The following CLEC9A variants were observed in gnomAD, a reference collection of about 807,000 sequenced individuals.
CLEC9A encodes the protein C-type lectin domain family 9 member A.
Under a neutral mutation model 30.0 loss-of-function variants are expected in CLEC9A, and 24 were observed. That is an observed-to-expected ratio of 0.80 (90% CI 0.58 to 1.13). The LOEUF is 1.13. Among genes scored for constraint, CLEC9A ranks in the 50% most tolerant of loss-of-function variants. CLEC9A has a pLI of 0.00. For synonymous variants in CLEC9A, 111 were observed against 96.8 expected, an observed-to-expected ratio of 1.15 and a Z score of -0.86; for missense variants, 251 against 280.9, an observed-to-expected ratio of 0.89 and a Z score of 0.76.
chr12:10,041,551 G>A lies in CLEC9A; in HGVS notation c.-232G>A. The A allele has an allele frequency of 2.0e-6, 1 of 504,566 alleles. No individual in the cohort carries two copies. The highest frequency in any genetic ancestry group is 4.0e-6 in the Non-Finnish European group (1 of 251,378). 31.3% of individuals were successfully genotyped at this position (504,566 alleles called of 1,614,324 possible). On this transcript the variant is annotated 5_prime_UTR_variant, in exon 2 of 9. The change creates a premature stop within an existing upstream ORF in the 5' untranslated region. Transcript: ENST00000355819. ...GGTTCTTCAAACACAACTTGACATG[G>A]AAAGAGAGTGAGCAGTACTGCACTG...
chr12:10,036,176 G>T (rs1865742896), intron 1 of CLEC9A, among the ~76,000 whole-genome samples: 1 of 152,064 alleles, frequency 6.6e-6, no homozygotes, highest in Non-Finnish European at 1.5e-5. Flanking sequence ...ACTACTGTTT[G>T]TCACAAATGT....
intron 1 of CLEC9A, among the ~76,000 whole-genome samples, chr12:10,037,010 T>C (rs1865749679): frequency 6.6e-6 from 1 of 152,208 alleles, no homozygotes; most frequent in African/African-American, 2.4e-5. Flanking sequence ...ACCAGCATAT[T>C]TCTGGTCACA....
At chr12:10,053,077 C>T (rs1003240163) in intron 4 of CLEC9A, among the ~76,000 whole-genome samples, 3 of 152,126 alleles carry the variant, frequency 2.0e-5, no homozygotes, top group South Asian at 2.1e-4. Flanking sequence ...TGAACTCCTA[C>T]TAAAACATTC....
intron 7 of CLEC9A, among the ~76,000 whole-genome samples, chr12:10,064,053 G>A (rs1476161852): frequency 6.6e-6 from 1 of 152,002 alleles, no homozygotes; most frequent in Non-Finnish European, 1.5e-5. Context: ...ACAATAAGAT[G>A]TTGCCTTGAA....
At chr12:10,054,422 G>A in intron 5 of CLEC9A, 71 bp downstream of exon 5, 5 of 992,174 alleles carry the variant, frequency 5.0e-6, no homozygotes, top group South Asian at 3.1e-5. Flanking sequence ...ATAAATGGAT[G>A]GAAAATCAAT....
chr12:10,065,417 C>A, intron 8 of CLEC9A, 83 bp from the exon 9 acceptor site: 2 of 1,522,592 alleles, frequency 1.3e-6, no homozygotes, highest in South Asian at 2.5e-5. Flanking sequence ...AAACAAGCAG[C>A]TACACACCTC....
In CLEC9A at chr12:10,065,623, CTCTG is replaced by C. The variant is rs776919472; in HGVS notation, c.722_725del (p.Val241GlufsTer61). 3 of 1,613,524 alleles carry C rather than the reference CTCTG, an allele frequency of 1.9e-6. No individual in the cohort carries two copies. Among genetic ancestry groups the C allele is most frequent in the African/African-American group, 1.3e-5 (1 of 74,852 alleles). ...TCTGTGAGAAGTATGCGTTGAGATC[CTCTG>C]TCTGAAAGAAATTGTGTTCAAAGTG... On this transcript the variant is annotated frameshift_variant, in exon 9 of 9. Transcript: ENST00000355819. LOFTEE classifies it high-confidence loss of function.
Position 10,040,705 on chromosome 12 carries a change from C to T in CLEC9A, c.-317-761C>T, listed in dbSNP as rs560841858. 1.5e-4 allele frequency: 23 copies of T among 153,506 alleles called. No homozygotes were observed. In the South Asian group the frequency reaches 4.5e-3, roughly 30 times the overall value. The allele number at this position is 153,506 out of a possible 1,614,324, so 9.5% of individuals were successfully genotyped here. On this transcript the variant is annotated intron_variant, in intron 1 of 8. Coordinates refer to ENST00000355819, the MANE Select transcript of CLEC9A (RefSeq NM_207345.4). ...TACCTCGTGATCCGCCCGCCTCAGCCTCCCAAAGTGCTGGGATTACAGGCA... is the reference window on the plus strand; with the variant it reads ...TACCTCGTGATCCGCCCGCCTCAGCTTCCCAAAGTGCTGGGATTACAGGCA...
chr12:10,038,325 A>T, intron 1 of CLEC9A, among the ~76,000 whole-genome samples: 1 of 152,304 alleles, frequency 6.6e-6, no homozygotes. Context: ...AATAATTTGA[A>T]GAGTGTAGAG....
chr12:10,063,957 C>T (rs1051105653), intron 7 of CLEC9A, among the ~76,000 whole-genome samples: 3 of 151,846 alleles, frequency 2.0e-5, no homozygotes, highest in Non-Finnish European at 2.9e-5. Flanking sequence ...TGCAATGAGC[C>T]GAGATTCAGC....
chr12:10,051,232 TTAAA>T (rs1282808895), intron 2 of CLEC9A, among the ~76,000 whole-genome samples: 2 of 151,566 alleles, frequency 1.3e-5, no homozygotes, highest in African/African-American at 4.8e-5. Context: ...AATAAATAAA[TTAAA>T]TAAATAAAAT....
intron 5 of CLEC9A, among the ~76,000 whole-genome samples, chr12:10,058,137 C>G (rs61459404): frequency 0.028 from 4,284 of 152,176 alleles, 144 homozygotes; most frequent in East Asian, 0.098. Flanking sequence ...TTCCCTTTCT[C>G]CAGTTTTATT....
chr12:10,054,735 A>G (rs1865924631), intron 5 of CLEC9A, among the ~76,000 whole-genome samples: 2 of 152,230 alleles, frequency 1.3e-5, no homozygotes, highest in South Asian at 4.1e-4. Context: ...ATATTAGGCA[A>G]GTTTCAATTT....
Position 10,065,758 on chromosome 12 carries a change from T to C in CLEC9A, c.*126T>C. 1 of 907,106 alleles carries C rather than the reference T, an allele frequency of 1.1e-6. No individual in the cohort carries two copies. Among genetic ancestry groups the C allele is most frequent in the Non-Finnish European group, 1.6e-6 (1 of 608,664 alleles). 56.2% of individuals were successfully genotyped at this position (907,106 alleles called of 1,614,324 possible). ...AATGTGGGCCATGAAATTAGCAACC[T>C]GGGACTCAATAATACACTTGGGAAT... On this transcript the variant is annotated 3_prime_UTR_variant, in exon 9 of 9. Coordinates refer to ENST00000355819, the MANE Select transcript of CLEC9A (RefSeq NM_207345.4).
At chr12:10,057,223 T>C (rs1264298751) in intron 5 of CLEC9A, among the ~76,000 whole-genome samples, 2 of 150,746 alleles carry the variant, frequency 1.3e-5, no homozygotes, top group Non-Finnish European at 1.5e-5. Flanking sequence ...GTCATGTTTA[T>C]TTTTTAATAA....
intron 6 of CLEC9A, among the ~76,000 whole-genome samples, chr12:10,062,167 G>A (rs905968002): frequency 1.4e-4 from 22 of 152,160 alleles, no homozygotes; most frequent in Non-Finnish European, 1.3e-4. Context: ...TTATACTATA[G>A]CAATGTTCAG....
intron 1 of CLEC9A, among the ~76,000 whole-genome samples, chr12:10,040,059 G>A (rs572580017): frequency 6.6e-6 from 1 of 152,354 alleles, no homozygotes; most frequent in Non-Finnish European, 1.5e-5. Flanking sequence ...CTGGCCTCAA[G>A]TGATGTGCCA....
chr12:10,048,219 G>A (rs1205441813), intron 2 of CLEC9A, among the ~76,000 whole-genome samples: 2 of 146,128 alleles, frequency 1.4e-5, no homozygotes, highest in African/African-American at 5.1e-5. Flanking sequence ...CGGCCTGGGC[G>A]ACAGAGCGAG....
intron 6 of CLEC9A, 82 bp from the exon 7 acceptor site, chr12:10,062,973 G>A (rs1259251664): frequency 1.6e-6 from 2 of 1,266,844 alleles, no homozygotes; most frequent in Admixed American, 2.6e-5. Context: ...CTCACTGAGG[G>A]TGAGGCAAGG....
Sources: gnomAD v4.1 joint callset for allele counts (sites outside exome capture counted in the v4.1 genomes callset) on GRCh38, gnomAD v4.1.1 for gene constraint, MANE v1.5 for transcripts, NCBI Gene and HGNC (gene_info 2026-07-23, HGNC 2026-07-21) for gene names.